PSD3: variants seen among roughly 807,000 people sequenced by gnomAD.
PSD3 encodes pleckstrin and Sec7 domain containing 3.
In PSD3, 49 loss-of-function variants were observed where a neutral mutation model predicts 105.5. The observed-to-expected ratio is 0.46, with a 90% CI of 0.37 to 0.59. PSD3 has a LOEUF of 0.59. Ranked by LOEUF, PSD3 falls within the 20% of genes least tolerant of loss-of-function variation. PSD3 has a pLI of 0.00. For synonymous variants in PSD3, 557 were observed against 457.8 expected, an observed-to-expected ratio of 1.22 and a Z score of -2.77; for missense variants, 1,561 against 1,263.8, an observed-to-expected ratio of 1.24 and a Z score of -3.57.
rs528159076 is a variant in PSD3 at position 18,677,883 on chromosome 8, G to A, written c.2173-22198C>T. Among the ~76,000 whole-genome samples, 785 of 152,034 alleles carry A rather than the reference G, an allele frequency of 5.2e-3. 6 individuals are homozygous for A. Among genetic ancestry groups the A allele is most frequent in the Non-Finnish European group, 9.0e-3 (612 of 67,960 alleles). On this transcript the variant is annotated intron_variant, in intron 9 of 15. Coordinates refer to ENST00000327040, the MANE Select transcript of PSD3 (RefSeq NM_015310.4). Reference sequence around the variant, plus strand: ...AAATTAGCCAGGCGTGGTGGCGGGTGCCTGTAGTCCCAGCTACTCGGGAGG... The same window carrying A: ...AAATTAGCCAGGCGTGGTGGCGGGTACCTGTAGTCCCAGCTACTCGGGAGG...
intron 8 of PSD3, among the ~76,000 whole-genome samples, chr8:18,786,383 T>C (rs527851288): frequency 2.9e-4 from 44 of 152,326 alleles, no homozygotes; most frequent in African/African-American, 1.0e-3. Context: ...TTGTCATAAT[T>C]CATAACATTT....
chr8:18,903,789 AC>A (rs1455085449), intron 2 of PSD3, among the ~76,000 whole-genome samples: 1 of 151,942 alleles, frequency 6.6e-6, no homozygotes, highest in East Asian at 1.9e-4. Flanking sequence ...AGGATATAGG[AC>A]CTTTCTGGGG....
intron 1 of PSD3, among the ~76,000 whole-genome samples, chr8:19,036,298 A>T (rs1827941607): frequency 6.6e-6 from 1 of 151,974 alleles, no homozygotes; most frequent in Non-Finnish European, 1.5e-5. Context: ...TCTCAATAAA[A>T]ACAGCTGCTT....
intron 2 of PSD3, among the ~76,000 whole-genome samples, chr8:18,890,880 G>A (rs897203265): frequency 6.6e-6 from 1 of 152,136 alleles, no homozygotes; most frequent in African/African-American, 2.4e-5. Flanking sequence ...TGAACATTTT[G>A]AGATTCCTGT....
intron 15 of PSD3, among the ~76,000 whole-genome samples, chr8:18,542,759 G>T (rs1291154943): frequency 1.3e-5 from 2 of 151,930 alleles, no homozygotes; most frequent in Non-Finnish European, 2.9e-5. Context: ...TGAAATTGTT[G>T]TTTAGTCTTC....
chr8:18,565,941 C>A (rs984192750), intron 14 of PSD3, among the ~76,000 whole-genome samples: 6 of 152,028 alleles, frequency 3.9e-5, no homozygotes, highest in African/African-American at 1.2e-4. Flanking sequence ...CACAGAGGCC[C>A]TCACGACAAA....
chr8:18,864,957 C>A (rs1268895248), intron 4 of PSD3: 2 of 151,714 alleles, frequency 1.3e-5, no homozygotes, highest in African/African-American at 4.8e-5. Context: ...AATGCATACA[C>A]CACCACCGAC....
rs918221385 is a variant in PSD3, at chr8:18,607,932, AAGCCATC to A, written c.2411-7505_2411-7499del. On this transcript the variant is annotated intron_variant, in intron 11 of 15. Coordinates refer to ENST00000327040, the MANE Select transcript of PSD3 (RefSeq NM_015310.4). ...GCAAAAAGGGGAAAAGCCCCTTATAAAGCCATCAGATCTCAGGAGAACTCACTCATTA... is the reference window on the plus strand; with the variant it reads ...GCAAAAAGGGGAAAAGCCCCTTATAAAGATCTCAGGAGAACTCACTCATTA... Among the ~76,000 whole-genome samples, 4 of 152,130 alleles carry A rather than the reference AAGCCATC, an allele frequency of 2.6e-5. No individual in the cohort carries two copies. The East Asian group carries it at 7.7e-4, about 29-fold the overall frequency.
intron 1 of PSD3, among the ~76,000 whole-genome samples, chr8:18,970,130 C>G (rs1824540981): frequency 6.6e-6 from 1 of 151,310 alleles, no homozygotes; most frequent in African/African-American, 2.4e-5. Context: ...TCGAGACCAT[C>G]CTGGCTAACA....
At chr8:18,865,286 ATTTTTTTTTTTT>A (rs375872604) in intron 4 of PSD3, 7 of 14,126 alleles carry the variant, frequency 5.0e-4, no homozygotes, top group African/African-American at 1.6e-3. Context: ...ATATATATAT[ATTTTTTTTTTTT>A]TTTTTTTTTT....
rs574628804 is a variant in PSD3, at chr8:18,809,983, T to C, written c.1635-5085A>G. ...TTACACAAATCCTACACAAGATCCA[T>C]ATTCTGTAGCATGTCCTAAGGCCTT... is the stretch of plus-strand genomic sequence containing the variant. On this transcript the variant is annotated intron_variant, in intron 4 of 15. Transcript: ENST00000327040. Among the ~76,000 whole-genome samples the C allele has an allele frequency of 3.7e-3, 556 of 152,302 alleles. 5 individuals carry two copies. Among genetic ancestry groups the C allele is most frequent in the Non-Finnish European group, 6.8e-3 (464 of 68,020 alleles).
chr8:18,787,704 T>C (rs1008951919), intron 8 of PSD3, among the ~76,000 whole-genome samples: 4 of 152,188 alleles, frequency 2.6e-5, no homozygotes, highest in African/African-American at 9.6e-5. Context: ...TGCTTTCTTA[T>C]GATAAAAAGA....
intron 2 of PSD3, among the ~76,000 whole-genome samples, chr8:18,927,951 G>A (rs565969972): frequency 2.2e-4 from 34 of 152,282 alleles, no homozygotes; most frequent in Admixed American, 2.2e-3. Flanking sequence ...TTCCTCAAAA[G>A]GTTTAATGTA....
At chr8:18,693,428 C>G (rs1801083083) in intron 9 of PSD3, among the ~76,000 whole-genome samples, 1 of 152,238 alleles carries the variant, frequency 6.6e-6, no homozygotes, top group Non-Finnish European at 1.5e-5. Context: ...TGAATAAGTT[C>G]CTGAAATTCT....
chr8:18,761,714 G>GT (rs1806554289), intron 9 of PSD3, among the ~76,000 whole-genome samples: 1 of 152,176 alleles, frequency 6.6e-6, no homozygotes, highest in South Asian at 2.1e-4. Context: ...CCTTACGAAT[G>GT]TTTTACAAAA....
chr8:19,034,709 C>A (rs1827885587), intron 1 of PSD3, among the ~76,000 whole-genome samples: 1 of 152,092 alleles, frequency 6.6e-6, no homozygotes, highest in Admixed American at 6.6e-5. Context: ...TGGATTTGGG[C>A]CCAGTCTTTT....
intron 4 of PSD3, among the ~76,000 whole-genome samples, chr8:18,819,534 C>T (rs906725145): frequency 2.7e-5 from 4 of 149,358 alleles, no homozygotes; most frequent in Admixed American, 2.7e-4. Flanking sequence ...AGTTCCTAGA[C>T]ACATTTTTTA....
chr8:18,899,981 T>C (rs1819401283), intron 2 of PSD3, among the ~76,000 whole-genome samples: 1 of 151,774 alleles, frequency 6.6e-6, no homozygotes, highest in Non-Finnish European at 1.5e-5. Flanking sequence ...GTGGAACTGT[T>C]TTCCAGAAAG....
intron 14 of PSD3, among the ~76,000 whole-genome samples, chr8:18,562,759 T>C (rs1203376332): frequency 6.6e-6 from 1 of 152,086 alleles, no homozygotes; most frequent in African/African-American, 2.4e-5. Context: ...TGTGGTGGCA[T>C]GCGCCTTTAA....
Sources: gnomAD v4.1 joint callset for allele counts (sites outside exome capture counted in the v4.1 genomes callset) on GRCh38, gnomAD v4.1.1 for gene constraint, MANE v1.5 for transcripts, NCBI Gene and HGNC (gene_info 2026-07-23, HGNC 2026-07-21) for gene names.